The following MEDAG variants were observed in gnomAD, a reference collection of about 807,000 sequenced individuals.
MEDAG encodes the protein mesenteric estrogen dependent adipogenesis.
A neutral mutation model predicts 29.9 loss-of-function variants in MEDAG; 25 were observed. The ratio of observed to expected loss-of-function variants is 0.84; its 90% CI spans 0.61 to 1.17. The LOEUF (loss-of-function observed/expected upper bound fraction) is 1.17, where lower values mean the gene tolerates loss of function less well. Among genes scored for constraint, MEDAG ranks in the 50% most tolerant of loss-of-function variants. MEDAG has a pLI of 0.00. For synonymous variants in MEDAG, 158 were observed against 148.2 expected, an observed-to-expected ratio of 1.07 and a Z score of -0.48; for missense variants, 398 against 372.9, an observed-to-expected ratio of 1.07 and a Z score of -0.56.
chr13:30,923,498 C>T (rs1566130046), intron 4 of MEDAG, among the ~76,000 whole-genome samples: 1 of 152,120 alleles, frequency 6.6e-6, no homozygotes, highest in Non-Finnish European at 1.5e-5. Flanking sequence ...TTCTGTTCAT[C>T]TCTTCCCATG....
rs944344984 is a variant in MEDAG at position 30,924,247 on chromosome 13, G to C, written c.788-64G>C. ...TAGTTAGGTTGCATGAATTTGAAAG[G>C]CACTGTTGGTTTTTTTTTCTTTCAG... is the stretch of plus-strand genomic sequence containing the variant. On this transcript the variant is annotated intron_variant, in intron 4 of 4. Coordinates refer to ENST00000380482, the MANE Select transcript of MEDAG (RefSeq NM_032849.4). 3 of 1,488,652 alleles carry C rather than the reference G, an allele frequency of 2.0e-6. No individual in the cohort carries two copies. The African/African-American group carries it at 4.2e-5, about 21-fold the overall frequency. 92.2% of individuals were successfully genotyped at this position (1,488,652 alleles called of 1,614,324 possible).
intron 1 of MEDAG, among the ~76,000 whole-genome samples, chr13:30,913,205 G>T (rs1386640395): frequency 6.6e-6 from 1 of 152,026 alleles, no homozygotes; most frequent in Non-Finnish European, 1.5e-5. Flanking sequence ...TTGTTTGGCT[G>T]GTTGCTTTGG....
chr13:30,923,964 G>A (rs532084970), intron 4 of MEDAG, among the ~76,000 whole-genome samples: 1 of 152,286 alleles, frequency 6.6e-6, no homozygotes, highest in Admixed American at 6.5e-5. Context: ...CCCACGACAG[G>A]CAGAGCACGG....
At chr13:30,913,912 C>T (rs1159975976) in intron 1 of MEDAG, among the ~76,000 whole-genome samples, 1 of 152,070 alleles carries the variant, frequency 6.6e-6, no homozygotes, top group Non-Finnish European at 1.5e-5. Context: ...CATGGTGGTG[C>T]ACGCCTGTAA....
intron 1 of MEDAG, among the ~76,000 whole-genome samples, chr13:30,912,978 A>G (rs1261908435): frequency 6.6e-6 from 1 of 152,228 alleles, no homozygotes; most frequent in Non-Finnish European, 1.5e-5. Context: ...TCGTATGTCT[A>G]CATTGCATGT....
chr13:30,909,914 A>G (rs1021041661), intron 1 of MEDAG, among the ~76,000 whole-genome samples: 12 of 152,208 alleles, frequency 7.9e-5, no homozygotes, highest in African/African-American at 1.2e-4. Flanking sequence ...CTAAGTACAT[A>G]CCTACTAAGT....
At chr13:30,911,243 A>G (rs1345950073) in intron 1 of MEDAG, among the ~76,000 whole-genome samples, 2 of 152,184 alleles carry the variant, frequency 1.3e-5, no homozygotes, top group Non-Finnish European at 2.9e-5. Flanking sequence ...GCCAGATTCT[A>G]CAGGTGAGGA....
At chr13:30,919,942 T>C (rs1952966736) in intron 2 of MEDAG, among the ~76,000 whole-genome samples, 1 of 152,194 alleles carries the variant, frequency 6.6e-6, no homozygotes, top group African/African-American at 2.4e-5. Flanking sequence ...GCTTAAATCA[T>C]GCAGAATTGA....
intron 1 of MEDAG, 120 bp from the exon 2 acceptor site, chr13:30,917,283 G>C (rs1271651934): frequency 1.4e-6 from 1 of 702,842 alleles, no homozygotes; most frequent in Non-Finnish European, 2.6e-6. Flanking sequence ...CTGTAAGGAT[G>C]CATTTCAAGG....
chr13:30,922,996 C>G (rs1190978954), intron 4 of MEDAG: 1 of 152,270 alleles, frequency 6.6e-6, no homozygotes, highest in Non-Finnish European at 1.5e-5. Context: ...TCTCGGCTCA[C>G]TGCAACCTCC....
intron 2 of MEDAG, among the ~76,000 whole-genome samples, chr13:30,920,319 C>T (rs1199778849): frequency 6.6e-6 from 1 of 152,166 alleles, no homozygotes; most frequent in Non-Finnish European, 1.5e-5. Flanking sequence ...GTCATGGTGG[C>T]TTATGCCTAT....
chr13:30,923,940 G>T (rs1332035623), intron 4 of MEDAG, among the ~76,000 whole-genome samples: 2 of 152,152 alleles, frequency 1.3e-5, no homozygotes, highest in Non-Finnish European at 2.9e-5. Flanking sequence ...TTGTCACGTG[G>T]TCCAAACCTG....
chr13:30,916,214 A>C (rs1952926663), intron 1 of MEDAG: 1 of 152,218 alleles, frequency 6.6e-6, no homozygotes, highest in Non-Finnish European at 1.5e-5. Context: ...TGCTCTTGAC[A>C]CATGCCCCGG....
Position 30,923,041 on chromosome 13 carries a change from C to T in MEDAG, c.787+1195C>T, listed in dbSNP as rs532646770. On this transcript the variant is annotated intron_variant, in intron 4 of 4. Transcript: ENST00000380482. The stretch of plus-strand genomic sequence containing the variant: ...GCATAAACAATTCTCGTGTCTCAGC[C>T]TCCCAAGTAGCTGGGACTACAGGTG... Among the ~76,000 whole-genome samples, 345 of 152,288 alleles carry T rather than the reference C, an allele frequency of 2.3e-3. 5 individuals carry two copies. The highest frequency in any genetic ancestry group is 8.0e-3 in the African/African-American group (334 of 41,548).
chr13:30,918,318 A>C (rs1952949317), intron 2 of MEDAG, among the ~76,000 whole-genome samples: 1 of 152,206 alleles, frequency 6.6e-6, no homozygotes, highest in Non-Finnish European at 1.5e-5. Context: ...ATTACTATCA[A>C]TAATTATTCT....
intron 1 of MEDAG, among the ~76,000 whole-genome samples, chr13:30,907,399 G>A (rs1952841185): frequency 6.6e-6 from 1 of 152,212 alleles, no homozygotes; most frequent in South Asian, 2.1e-4. Context: ...GGGCCATGTG[G>A]GCTGTGGAAG....
At chr13:30,912,897 A>G (rs1011290696) in intron 1 of MEDAG, among the ~76,000 whole-genome samples, 71 of 152,292 alleles carry the variant, frequency 4.7e-4, no homozygotes, top group African/African-American at 1.7e-3. Context: ...GCTTCGTCCT[A>G]TGGGTTTGCC....
chr13:30,908,514 C>T (rs1291052695), intron 1 of MEDAG, among the ~76,000 whole-genome samples: 1 of 152,168 alleles, frequency 6.6e-6, no homozygotes, highest in Non-Finnish European at 1.5e-5. Flanking sequence ...GACAGCCTTC[C>T]AGGCAGAGGG....
intron 4 of MEDAG, among the ~76,000 whole-genome samples, chr13:30,923,718 C>T (rs1953012326): frequency 1.3e-5 from 2 of 152,228 alleles, no homozygotes; most frequent in Non-Finnish European, 2.9e-5. Context: ...TTTCCGGTTT[C>T]ACCATGGCTC....
Sources: allele counts gnomAD v4.1 joint callset (sites outside exome capture counted in the v4.1 genomes callset), GRCh38; gene constraint gnomAD v4.1.1; transcripts MANE v1.5; gene names NCBI Gene and HGNC (gene_info 2026-07-23, HGNC 2026-07-21).